Variants in LRP12 observed in about 807,000 individuals in gnomAD.
LRP12 encodes the protein low-density lipoprotein receptor-related protein 12.
Under a neutral mutation model 66.0 loss-of-function variants are expected in LRP12, and 14 were observed. That is an observed-to-expected ratio of 0.21 (90% CI 0.14 to 0.33). The LOEUF is 0.33. Ranked by LOEUF, LRP12 falls within the 10% of genes least tolerant of loss-of-function variation. The probability of loss-of-function intolerance (pLI) is 1.00; values close to 1 mark genes in which losing one functional copy is unlikely to be tolerated. For missense variants in LRP12, 889 were observed against 1,053.4 expected (o/e 0.84, Z 2.16); for synonymous variants, 357 against 359.1 (o/e 0.99, Z 0.07).
At chr8:104,583,439 T>C (rs1812285914) in intron 1 of LRP12, among the ~76,000 whole-genome samples, 1 of 152,194 alleles carries the variant, frequency 6.6e-6, no homozygotes, top group Admixed American at 6.5e-5. Context: ...CAGTTAGCTA[T>C]GCTTTAGGTC....
At chr8:104,530,063 T>TTGA (rs139994089) in intron 2 of LRP12, among the ~76,000 whole-genome samples, 4,653 of 152,232 alleles carry the variant, frequency 0.031, 233 homozygotes, top group African/African-American at 0.11. Context: ...GCTGTTCTTA[T>TTGA]TGTTTTTTGT....
rs1191635753 is a variant in LRP12 at position 104,497,476 on chromosome 8, A to G, written c.1076T>C (p.Val359Ala). 6.2e-7 allele frequency: 1 copy of G among 1,614,148 alleles called. No homozygotes were observed. The highest frequency in any genetic ancestry group is 1.1e-5 in the South Asian group (1 of 91,082). Residue 359 changes from valine to alanine, a missense_variant, in exon 5 of 7, where the codon GTG (valine) becomes GCG (alanine). By Grantham distance (64) the Val-to-Ala change is moderately conservative (BLOSUM62 0). Transcript: ENST00000276654. This position sits in a 1 kb window ranked among gnomAD's most constrained non-coding sequence, Gnocchi z 4.3. Reference sequence around the variant, plus strand: ...AGCATTAAATCCCCTTGCAGCATTCACTTTATCAGCACAAAAATGTACCCT... The same window carrying G: ...AGCATTAAATCCCCTTGCAGCATTCGCTTTATCAGCACAAAAATGTACCCT... ...QIRVHFCADKVNAARGFNATY... is the reference protein window; with the variant it reads ...QIRVHFCADKANAARGFNATY...
rs939591476 is a variant in LRP12 at position 104,489,514 on chromosome 8, C to G, written c.*1159G>C. 1 of 152,418 alleles carries G rather than the reference C, an allele frequency of 6.6e-6. No individual in the cohort carries two copies. Among genetic ancestry groups the G allele is most frequent in the Admixed American group, 6.6e-5 (1 of 15,266 alleles). 9.4% of individuals were successfully genotyped at this position (152,418 alleles called of 1,614,324 possible). A position where few individuals can be genotyped will look rare whatever the true frequency, so the allele number is the denominator to read the frequency against. On this transcript the variant is annotated 3_prime_UTR_variant, in exon 7 of 7. Transcript: ENST00000276654. ...AATATGTTGGGTTTTGCAATTCACA[C>G]TACTTAAAAAGGGGGGATGATCTGA...
At position 104,499,381 on chromosome 8, in the gene LRP12, G is replaced by A; in HGVS notation, c.411C>T (p.Ile137=). The A allele has an allele frequency of 6.2e-7, 1 of 1,613,850 alleles. No individual in the cohort carries two copies. The highest frequency in any genetic ancestry group is 8.5e-7 in the Non-Finnish European group (1 of 1,179,848). The change falls in exon 4 of 7, where the codon ATC becomes ATT. Residue 137 remains isoleucine (I), a synonymous_variant. Transcript: ENST00000276654. ...TGTCATCCGAATGAAACCTAATCCA[G>A]ATGTGGTCTTGTGAAGAGATATACG... ...PPPYISSQDH[I]WIRFHSDDNI...
In LRP12 at chr8:104,545,675, T is replaced by A. The variant is rs562649080; in HGVS notation, c.80-13712A>T. Among the ~76,000 whole-genome samples the A allele has an allele frequency of 1.3e-4, 20 of 152,300 alleles. No individual in the cohort carries two copies. In the South Asian group the frequency reaches 1.7e-3, roughly 13 times the overall value. On this transcript the variant is annotated intron_variant, in intron 1 of 6. Transcript: ENST00000276654. ...ATATTTTTAAATTAAGGTATATATA[T>A]TTTTTAGATATGTCATTGCATACTT... is the stretch of plus-strand genomic sequence containing the variant.
chr8:104,507,975 A>G (rs1364062416), intron 3 of LRP12: 1 of 152,238 alleles, frequency 6.6e-6, no homozygotes, highest in Non-Finnish European at 1.5e-5. Flanking sequence ...CTTATTTTAA[A>G]AACATAAAAT....
At chr8:104,578,594 A>T (rs1434557257) in intron 1 of LRP12, among the ~76,000 whole-genome samples, 1 of 152,172 alleles carries the variant, frequency 6.6e-6, no homozygotes, top group Non-Finnish European at 1.5e-5. Context: ...TTAAAAAAAC[A>T]AACAAGCAAA....
intron 2 of LRP12, among the ~76,000 whole-genome samples, chr8:104,530,338 G>C (rs946421066): frequency 6.6e-6 from 1 of 152,112 alleles, no homozygotes; most frequent in Non-Finnish European, 1.5e-5. Context: ...CCTTTAAGGA[G>C]GTAACTGAGG....
At chr8:104,580,010 C>A (rs1192745836) in intron 1 of LRP12, among the ~76,000 whole-genome samples, 1 of 151,896 alleles carries the variant, frequency 6.6e-6, no homozygotes, top group Non-Finnish European at 1.5e-5. Flanking sequence ...ATTCTAGACA[C>A]AAAAATAGGC....
intron 1 of LRP12, among the ~76,000 whole-genome samples, chr8:104,564,561 A>T (rs1298301342): frequency 6.6e-6 from 1 of 151,972 alleles, no homozygotes; most frequent in East Asian, 1.9e-4. Context: ...GGGAGGGAGT[A>T]ATCAGGGGAG....
At position 104,499,324 on chromosome 8, in the gene LRP12, A is replaced by G. The variant is rs1431508028; in HGVS notation, c.468T>C (p.Tyr156=). ...NISRKGFRLA[Y]FSGKSEEPNC... is the part of the protein sequence containing the mutation. ...TCTTATTTAAAAACACACCTGAAAAATATGCCAGTCTGAAACCCTTTCTAG... is the reference window on the plus strand; with the variant it reads ...TCTTATTTAAAAACACACCTGAAAAGTATGCCAGTCTGAAACCCTTTCTAG... The change falls in exon 4 of 7, where the codon TAT becomes TAC. Residue 156 remains tyrosine, a synonymous_variant. Coordinates refer to ENST00000276654, the MANE Select transcript of LRP12 (RefSeq NM_013437.5). The G allele has an allele frequency of 1.9e-6, 3 of 1,610,522 alleles. No individual in the cohort carries two copies. The highest frequency in any genetic ancestry group is 2.5e-6 in the Non-Finnish European group (3 of 1,178,870).
intron 1 of LRP12, among the ~76,000 whole-genome samples, chr8:104,559,686 A>C (rs1811872688): frequency 1.3e-5 from 2 of 151,808 alleles, no homozygotes; most frequent in Admixed American, 6.6e-5. Flanking sequence ...ATGCCTATCC[A>C]AAAAAAAGGA....
chr8:104,505,098 GC>G (rs1810886787), intron 3 of LRP12: 1 of 152,184 alleles, frequency 6.6e-6, no homozygotes, highest in Non-Finnish European at 1.5e-5. Flanking sequence ...GCTCACTGCA[GC>G]CTCAACCTCC....
chr8:104,525,216 AAG>A (rs1811214846), intron 2 of LRP12, among the ~76,000 whole-genome samples: 2 of 152,146 alleles, frequency 1.3e-5, no homozygotes, highest in South Asian at 2.1e-4. Context: ...CTTATATATG[AAG>A]AGAGATTTAA....
At chr8:104,516,180 T>C (rs72679135) in intron 2 of LRP12, among the ~76,000 whole-genome samples, 1 of 152,304 alleles carries the variant, frequency 6.6e-6, no homozygotes, top group Non-Finnish European at 1.5e-5. Flanking sequence ...AAATTTTCTA[T>C]AACCCAGAAA....
intron 1 of LRP12, among the ~76,000 whole-genome samples, chr8:104,553,303 A>G (rs1198808405): frequency 6.6e-6 from 1 of 152,194 alleles, no homozygotes; most frequent in Non-Finnish European, 1.5e-5. Flanking sequence ...ATGAAACCTG[A>G]AAGCCCTGCT....
At chr8:104,512,441 T>C (rs925238145) in intron 2 of LRP12, among the ~76,000 whole-genome samples, 6 of 152,262 alleles carry the variant, frequency 3.9e-5, no homozygotes, top group Non-Finnish European at 8.8e-5. Flanking sequence ...ATATGGAAAA[T>C]TGTTCATTTT....
intron 1 of LRP12, among the ~76,000 whole-genome samples, chr8:104,563,383 G>A (rs1811945475): frequency 6.6e-6 from 1 of 151,956 alleles, no homozygotes; most frequent in South Asian, 2.1e-4. Flanking sequence ...AGTTGCTCAA[G>A]GACACAACTA....
Position 104,517,946 on chromosome 8 carries a change from A to G in LRP12, c.137-8872T>C, listed in dbSNP as rs114714419. On this transcript the variant is annotated intron_variant, in intron 2 of 6. Coordinates refer to ENST00000276654, the MANE Select transcript of LRP12 (RefSeq NM_013437.5). ...AACAAGTGAATCATTCAATACATGG[A>G]AAATATTATGCTTATGCAAACAACT... Among the ~76,000 whole-genome samples, 579 of 152,266 alleles carry G rather than the reference A, an allele frequency of 3.8e-3. 4 individuals are homozygous for G. Among genetic ancestry groups the G allele is most frequent in the African/African-American group, 0.013 (537 of 41,580 alleles).
Sources: gnomAD v4.1 joint callset for allele counts (sites outside exome capture counted in the v4.1 genomes callset) on GRCh38, gnomAD v4.1.1 for gene constraint, Gnocchi (gnomAD v3.1) non-coding constraint, MANE v1.5 for transcripts, NCBI Gene and HGNC (gene_info 2026-07-23, HGNC 2026-07-21) for gene names.